The following AFF1 variants were observed in gnomAD, a reference collection of about 807,000 sequenced individuals.
The protein encoded by AFF1 is ALF transcription elongation factor 1, also known as AF4/FMR2 family member 1.
Under a neutral mutation model 121.7 loss-of-function variants are expected in AFF1, and 48 were observed. The ratio of observed to expected loss-of-function variants is 0.39; its 90% CI spans 0.31 to 0.50. AFF1 has a LOEUF of 0.50. Ranked by LOEUF, AFF1 falls within the 20% of genes least tolerant of loss-of-function variation. The pLI, the probability that AFF1 is intolerant of heterozygous loss-of-function variation, is 0.76. For missense variants in AFF1, 1,523 were observed against 1,511.7 expected (o/e 1.01, Z -0.12); for synonymous variants, 613 against 563.0 (o/e 1.09, Z -1.26).
rs236689 is a variant in AFF1, at chr4:87,096,061, A to T, written c.1283+1092A>T. ...TATTTTATCTCCTCGCCATGACTAAATGTGGGTCTGGGTTAAGTGTTTGTT... is the reference window on the plus strand; with the variant it reads ...TATTTTATCTCCTCGCCATGACTAATTGTGGGTCTGGGTTAAGTGTTTGTT... On this transcript the variant is annotated intron_variant, in intron 8 of 20. Coordinates refer to ENST00000395146, the MANE Select transcript of AFF1 (RefSeq NM_001166693.3). Among the ~76,000 whole-genome samples the T allele has an allele frequency of 6.4e-3, 979 of 152,292 alleles. 5 individuals are homozygous for T. The highest frequency in any genetic ancestry group is 0.011 in the Non-Finnish European group (731 of 68,024).
chr4:87,074,461 G>A (rs3775225), intron 4 of AFF1, among the ~76,000 whole-genome samples: 123,671 of 152,246 alleles, frequency 0.81, 50,450 homozygotes, highest in African/African-American at 0.89. Flanking sequence ...CCCTTATTAC[G>A]TGGTGAATGG....
intron 2 of AFF1, among the ~76,000 whole-genome samples, chr4:87,011,707 C>A (rs1438420525): frequency 6.6e-6 from 1 of 151,924 alleles, no homozygotes; most frequent in African/African-American, 2.4e-5. Context: ...AAACAGTGTC[C>A]TTGACAGAAG....
rs937283138 is a variant in AFF1 at position 87,011,094 on chromosome 4, A to G, written c.39-35072A>G. ...ACTCCGTCTCAAAAAAAAAAAAAAAAAAAGAAAAAAAAAATCACCTGATGC... is the reference window on the plus strand; with the variant it reads ...ACTCCGTCTCAAAAAAAAAAAAAAAGAAAGAAAAAAAAAATCACCTGATGC... On this transcript the variant is annotated intron_variant, in intron 2 of 20. Transcript: ENST00000395146. 1.5e-4 allele frequency among the ~76,000 whole-genome samples: 23 copies of G among 149,810 alleles called. No individual in the cohort carries two copies. In the East Asian group the frequency reaches 1.6e-3, roughly 10 times the overall value.
rs930079160 is a variant in AFF1, at chr4:86,992,741, A to G, written c.38+44170A>G. On this transcript the variant is annotated intron_variant, in intron 2 of 20. Coordinates refer to ENST00000395146, the MANE Select transcript of AFF1 (RefSeq NM_001166693.3). ...TGTAAACCTGAAAAACTCTGTTGCT[A>G]TAACTTCTGTAATTTTCTTAAATGA... 3.3e-5 allele frequency among the ~76,000 whole-genome samples: 5 copies of G among 152,224 alleles called. 1 individual carries two copies. Among genetic ancestry groups the G allele is most frequent in the Admixed American group, 1.3e-4 (2 of 15,272 alleles).
chr4:87,006,985 A>G, intron 2 of AFF1: 1 of 1,069,260 alleles, frequency 9.4e-7, no homozygotes, highest in Non-Finnish European at 1.1e-6. Flanking sequence ...AAGTGAGCCC[A>G]GAGGCAATTT....
intron 4 of AFF1, among the ~76,000 whole-genome samples, chr4:87,063,138 TAGTA>T (rs969155214): frequency 3.3e-5 from 5 of 151,864 alleles, no homozygotes; most frequent in African/African-American, 7.3e-5. Flanking sequence ...GTCTGGCATA[TAGTA>T]AGTATGTAAT....
At chr4:87,121,993 T>C (rs948042716) in intron 12 of AFF1, among the ~76,000 whole-genome samples, 1 of 152,250 alleles carries the variant, frequency 6.6e-6, no homozygotes, top group African/African-American at 2.4e-5. Flanking sequence ...CTCATTTCAC[T>C]GCTAGACTTT....
intron 2 of AFF1, among the ~76,000 whole-genome samples, chr4:87,044,544 T>A (rs1730481294): frequency 6.6e-6 from 1 of 152,184 alleles, no homozygotes; most frequent in Admixed American, 6.5e-5. Flanking sequence ...TCCAGAGATT[T>A]GCCAGAAGCT....
At position 87,108,216 on chromosome 4, in the gene AFF1, A is replaced by G. The variant is rs956789316; in HGVS notation, c.1434A>G (p.Ser478=). The stretch of plus-strand genomic sequence containing the variant: ...CAGCACATTCCAGCAGTGCAGAGTC[A>G]GAAAGCACCAGTGACTCAGACAGTT... ...VASAHSSSAE[S]ESTSDSDSSS... is the part of the protein sequence containing the mutation. The change falls in exon 11 of 21, where the codon TCA becomes TCG. Residue 478 remains serine, a synonymous_variant. Coordinates refer to ENST00000395146, the MANE Select transcript of AFF1 (RefSeq NM_001166693.3). The G allele has an allele frequency of 3.1e-6, 5 of 1,614,050 alleles. No homozygotes were observed. The Admixed American group carries it at 5.0e-5, about 16-fold the overall frequency.
intron 12 of AFF1, among the ~76,000 whole-genome samples, chr4:87,116,426 C>G (rs1727129062): frequency 1.3e-5 from 2 of 152,052 alleles, no homozygotes; most frequent in Non-Finnish European, 2.9e-5. Flanking sequence ...CCAACTTGCC[C>G]AAGAATCAGA....
At chr4:87,011,736 C>CT (rs1726785752) in intron 2 of AFF1, among the ~76,000 whole-genome samples, 1 of 152,188 alleles carries the variant, frequency 6.6e-6, no homozygotes, top group Non-Finnish European at 1.5e-5. Flanking sequence ...AAACAGGTCT[C>CT]TTAAGTGATT....
At chr4:87,048,009 T>C (rs1247980244) in intron 4 of AFF1, 2 of 203,854 alleles carry the variant, frequency 9.8e-6, no homozygotes, top group Non-Finnish European at 2.0e-5. Flanking sequence ...GGGGTAACAA[T>C]GTGAACACGA....
chr4:86,983,203 C>T (rs1456652707), intron 2 of AFF1, among the ~76,000 whole-genome samples: 1 of 152,046 alleles, frequency 6.6e-6, no homozygotes, highest in Admixed American at 6.6e-5. Context: ...CCAGCCTGGC[C>T]AACATGATGA....
intron 2 of AFF1, among the ~76,000 whole-genome samples, chr4:86,988,142 T>G (rs1724433315): frequency 6.6e-6 from 1 of 152,152 alleles, no homozygotes; most frequent in Admixed American, 6.6e-5. Flanking sequence ...GCAATTAGGA[T>G]GTTCATCACT....
At chr4:87,009,124 A>T (rs548388927) in intron 2 of AFF1, among the ~76,000 whole-genome samples, 26 of 152,378 alleles carry the variant, frequency 1.7e-4, no homozygotes, top group Middle Eastern at 3.4e-3. Context: ...GCTAAATTGG[A>T]CACTGCTGTG....
intron 4 of AFF1, among the ~76,000 whole-genome samples, chr4:87,064,356 A>G (rs1212052178): frequency 6.6e-6 from 1 of 152,222 alleles, no homozygotes; most frequent in Non-Finnish European, 1.5e-5. Flanking sequence ...TGATAGAGTA[A>G]GATGGTTTTA....
chr4:86,946,680 G>A (rs760901834), intron 1 of AFF1, among the ~76,000 whole-genome samples: 4 of 151,908 alleles, frequency 2.6e-5, no homozygotes, highest in African/African-American at 2.4e-5. Flanking sequence ...GTGCACACCC[G>A]GCCCACTCTC....
chr4:87,132,433 AT>A (rs1267104964), intron 19 of AFF1, 25 bp downstream of exon 19: 1 of 1,568,592 alleles, frequency 6.4e-7, no homozygotes, highest in Non-Finnish European at 8.6e-7. Context: ...AATATAAATA[AT>A]TTCCAGAATT....
At chr4:87,059,500 CTTCT>C in intron 4 of AFF1, among the ~76,000 whole-genome samples, 1 of 152,180 alleles carries the variant, frequency 6.6e-6, no homozygotes, top group African/African-American at 2.4e-5. Context: ...ACTGTTACAA[CTTCT>C]TTCTAACCTC....
Sources: allele counts gnomAD v4.1 joint callset (sites outside exome capture counted in the v4.1 genomes callset), GRCh38; gene constraint gnomAD v4.1.1; transcripts MANE v1.5; gene names NCBI Gene and HGNC (gene_info 2026-07-23, HGNC 2026-07-21).